TOM1: variants seen among roughly 807,000 people sequenced by gnomAD.
TOM1 encodes target of Myb protein 1.
Under a neutral mutation model 61.3 loss-of-function variants are expected in TOM1, and 38 were observed. The ratio of observed to expected loss-of-function variants is 0.62; its 90% CI spans 0.48 to 0.81. The LOEUF (loss-of-function observed/expected upper bound fraction) is 0.81, where lower values mean the gene tolerates loss of function less well. TOM1 is among the 40% of genes least tolerant of loss of function. The pLI, the probability that TOM1 is intolerant of heterozygous loss-of-function variation, is 0.00. For synonymous variants in TOM1, 270 were observed against 268.8 expected (o/e 1.00, Z -0.04); for missense variants, 591 against 659.6 (o/e 0.90, Z 1.14).
rs1054311510 is a variant in TOM1 at position 35,347,661 on chromosome 22, C to G, written c.*452C>G. On this transcript the variant is annotated 3_prime_UTR_variant, in exon 15 of 15. Transcript: ENST00000449058. ...CCGAGCCTCTTGTCCCTTCCCTGCT[C>G]TGCTGCATGGGGCCCCATGGCTTTG... 4 of 157,190 alleles carry G rather than the reference C, an allele frequency of 2.5e-5. No individual in the cohort carries two copies. The highest frequency in any genetic ancestry group is 9.6e-5 in the African/African-American group (4 of 41,542). 9.7% of individuals were successfully genotyped at this position (157,190 alleles called of 1,614,324 possible). A position where few individuals can be genotyped will look rare whatever the true frequency, so the allele number is the denominator to read the frequency against.
rs771996974 is a variant in TOM1, at chr22:35,338,764, C to T, written c.1200C>T (p.Asp400=). The T allele has an allele frequency of 1.2e-5, 19 of 1,601,166 alleles. No homozygotes were observed. Among genetic ancestry groups the T allele is most frequent in the Middle Eastern group, 1.7e-4 (1 of 6,054 alleles). The part of the protein sequence containing the change: ...QATDGLAGAL[D]ARQQSTGAIP... ...CAGACGGCCTGGCTGGAGCCCTGGA[C>T]GCCCGGCAGCAGAGCACTGGCGCGG... Residue 400 remains aspartate (D), a synonymous_variant, in exon 12 of 15, where the codon GAC becomes GAT. Coordinates refer to ENST00000449058, the MANE Select transcript of TOM1 (RefSeq NM_005488.3).
At chr22:35,338,233 T>G (rs1015876488) in intron 11 of TOM1, among the ~76,000 whole-genome samples, 1 of 152,266 alleles carries the variant, frequency 6.6e-6, no homozygotes, top group African/African-American at 2.4e-5. Flanking sequence ...AGAGTCATCT[T>G]TGTGCTGGTG....
intron 1 of TOM1, among the ~76,000 whole-genome samples, chr22:35,304,257 C>T (rs1926113418): frequency 1.3e-5 from 2 of 152,152 alleles, no homozygotes; most frequent in African/African-American, 4.8e-5. Flanking sequence ...AGAGCCACAA[C>T]TCTTATTCTA....
intron 12 of TOM1, among the ~76,000 whole-genome samples, chr22:35,343,123 AC>A (rs1382997032): frequency 8.5e-6 from 1 of 117,142 alleles, no homozygotes; most frequent in Non-Finnish European, 1.7e-5. Context: ...ACCCACACAC[AC>A]CACACACACA....
chr22:35,327,456 C>T (rs542048704), intron 7 of TOM1, 69 bp downstream of exon 7: 1 of 1,102,764 alleles, frequency 9.1e-7, no homozygotes, highest in East Asian at 2.4e-5. Context: ...CATTCTTTCC[C>T]AATCCTCATG....
intron 2 of TOM1, among the ~76,000 whole-genome samples, chr22:35,319,473 G>A (rs778761682): frequency 1.2e-4 from 19 of 152,332 alleles, no homozygotes; most frequent in Admixed American, 4.6e-4. Flanking sequence ...GCTCCCAGCA[G>A]AGTACCGGAC....
intron 1 of TOM1, among the ~76,000 whole-genome samples, chr22:35,302,339 T>C (rs937092461): frequency 2.1e-5 from 3 of 139,936 alleles, no homozygotes; most frequent in South Asian, 2.4e-4. Context: ...TCTTTTTTTT[T>C]TTTTTTTTTT....
intron 7 of TOM1, among the ~76,000 whole-genome samples, chr22:35,329,848 G>A (rs556567438): frequency 6.6e-6 from 1 of 152,318 alleles, no homozygotes; most frequent in East Asian, 1.9e-4. Context: ...TTAAATTTTA[G>A]CATCTAACAC....
At chr22:35,333,356 C>T (rs1426561559) in intron 9 of TOM1, 48 bp from the exon 10 acceptor site, 7 of 1,560,212 alleles carry the variant, frequency 4.5e-6, no homozygotes, top group East Asian at 2.2e-5. Context: ...CAGAAAGGAA[C>T]GAAGCTGCAG....
At chr22:35,321,889 T>G in intron 2 of TOM1, 70 bp from the exon 3 acceptor site, 2 of 1,329,232 alleles carry the variant, frequency 1.5e-6, no homozygotes, top group Non-Finnish European at 2.2e-6. Flanking sequence ...CTGTTCCAAC[T>G]CTCCAGGGTC....
chr22:35,322,336 G>C lies in TOM1; in HGVS notation c.216+299G>C, dbSNP rs571489406. 126 of 364,962 alleles carry C rather than the reference G, an allele frequency of 3.5e-4. No homozygotes were observed. In the Middle Eastern group the frequency reaches 3.9e-3, roughly 11 times the overall value. 22.6% of individuals were successfully genotyped at this position (364,962 alleles called of 1,614,324 possible). A position where few individuals can be genotyped will look rare whatever the true frequency, so the allele number is the denominator to read the frequency against. On this transcript the variant is annotated intron_variant, in intron 3 of 14. Coordinates refer to ENST00000449058, the MANE Select transcript of TOM1 (RefSeq NM_005488.3). ...GTGACATTGAAGCTCAGTAAACCCA[G>C]GCCTCCGCGGGGGCAGGGAGGCCGG...
intron 8 of TOM1, chr22:35,331,350 A>G (rs552897834): frequency 1.9e-4 from 86 of 453,872 alleles, no homozygotes; most frequent in Non-Finnish European, 3.3e-4. Context: ...GGCCTCAAGC[A>G]GTCCTCCCTC....
At chr22:35,325,865 A>G (rs1928265256) in intron 6 of TOM1, among the ~76,000 whole-genome samples, 2 of 152,338 alleles carry the variant, frequency 1.3e-5, no homozygotes, top group South Asian at 2.1e-4. Context: ...TCAGGTGTGC[A>G]GTGATGTTAC....
intron 9 of TOM1, 26 bp downstream of exon 9, chr22:35,333,040 G>A (rs375040017): frequency 5.6e-6 from 9 of 1,613,234 alleles, no homozygotes; most frequent in Non-Finnish European, 6.8e-6. Flanking sequence ...TCTGTGACTA[G>A]ATCAGGCCCT....
intron 12 of TOM1, among the ~76,000 whole-genome samples, chr22:35,343,962 A>C (rs1354135829): frequency 6.7e-6 from 1 of 149,322 alleles, no homozygotes; most frequent in African/African-American, 2.5e-5. Context: ...ACATACATCT[A>C]TACCTACACA....
chr22:35,318,054 C>G (rs1927462971), intron 2 of TOM1, 93 bp downstream of exon 2: 1 of 1,142,148 alleles, frequency 8.8e-7, no homozygotes, highest in East Asian at 2.4e-5. Flanking sequence ...CTGCCCCAGC[C>G]CCATTGCTGC....
At chr22:35,318,306 C>T (rs1927484704) in intron 2 of TOM1, 4 of 366,224 alleles carry the variant, frequency 1.1e-5, no homozygotes, top group South Asian at 4.4e-5. Flanking sequence ...GCGCCATCTG[C>T]ATTCTGCAGG....
chr22:35,302,330 CTTTTTTT>C (rs138734), intron 1 of TOM1, among the ~76,000 whole-genome samples: 3 of 70,938 alleles, frequency 4.2e-5, no homozygotes, highest in African/African-American at 5.7e-5. Flanking sequence ...TTTTCTTTTT[CTTTTTTT>C]TTTTTTTTTT....
At chr22:35,326,128 A>G (rs77557948) in intron 6 of TOM1, among the ~76,000 whole-genome samples, 3,518 of 152,326 alleles carry the variant, frequency 0.023, 63 homozygotes, top group Non-Finnish European at 0.038. Context: ...TATATGTTCA[A>G]TGCTTGGCAC....
Sources: allele counts gnomAD v4.1 joint callset (sites outside exome capture counted in the v4.1 genomes callset), GRCh38; gene constraint gnomAD v4.1.1; transcripts MANE v1.5; gene names NCBI Gene and HGNC (gene_info 2026-07-23, HGNC 2026-07-21).